APPL2: variants seen among roughly 807,000 people sequenced by gnomAD.
APPL2 encodes the protein DCC-interacting protein 13-beta.
A neutral mutation model predicts 92.7 loss-of-function variants in APPL2; 84 were observed. The observed-to-expected ratio is 0.91, with a 90% CI of 0.76 to 1.09. The LOEUF (loss-of-function observed/expected upper bound fraction) is 1.09, where lower values mean the gene tolerates loss of function less well. Among genes scored for constraint, APPL2 ranks in the 50% least tolerant of loss-of-function variants. The pLI, the probability that APPL2 is intolerant of heterozygous loss-of-function variation, is 0.00. For missense variants in APPL2, 736 were observed against 824.5 expected (o/e 0.89, Z 1.31); for synonymous variants, 291 against 291.0 (o/e 1.00, Z 0.00).
rs1420261052 is a variant in APPL2 at position 105,173,705 on chromosome 12, T to C, written c.*609A>G. On this transcript the variant is annotated 3_prime_UTR_variant, in exon 21 of 21. Coordinates refer to ENST00000258530, the MANE Select transcript of APPL2 (RefSeq NM_018171.5). Reference sequence around the variant, plus strand: ...AATCAAACATCTTTTGTGGTATTCATTTTTTTATTGCTTGATGTCTGGAAC... The same window carrying C: ...AATCAAACATCTTTTGTGGTATTCACTTTTTTATTGCTTGATGTCTGGAAC... 1.3e-5 allele frequency: 2 copies of C among 152,486 alleles called. No homozygotes were observed. Among genetic ancestry groups the C allele is most frequent in the Admixed American group, 6.6e-5 (1 of 15,266 alleles). The allele number at this position is 152,486 out of a possible 1,614,324, so 9.4% of individuals were successfully genotyped here.
intron 1 of APPL2, among the ~76,000 whole-genome samples, chr12:105,231,123 T>C (rs1189537304): frequency 6.6e-6 from 1 of 152,236 alleles, no homozygotes; most frequent in Admixed American, 6.5e-5. Flanking sequence ...GATTTCATAA[T>C]CTACTAATGG....
At chr12:105,211,399 T>C in intron 4 of APPL2, 82 bp from the exon 5 acceptor site, 1 of 1,011,912 alleles carries the variant, frequency 9.9e-7, no homozygotes, top group Non-Finnish European at 1.5e-6. Flanking sequence ...GGAATCACAC[T>C]GAACACTTCC....
chr12:105,229,932 C>A (rs1566103067), intron 1 of APPL2: 1 of 176,984 alleles, frequency 5.7e-6, no homozygotes, highest in Non-Finnish European at 1.1e-5. Context: ...GCACCCACCA[C>A]CACACCTGGC....
In APPL2 at chr12:105,177,535, C is replaced by T. The variant is rs1885673377; in HGVS notation, c.1635-273G>A. ...TTCTGCAACTTACCCAAACAGACAG[C>T]ATTATAATCCTCAACAGATCTGCTA... On this transcript the variant is annotated intron_variant, in intron 17 of 20. Transcript: ENST00000258530. 1.5e-5 allele frequency: 7 copies of T among 478,016 alleles called. No homozygotes were observed. The South Asian group carries it at 1.6e-4, about 11-fold the overall frequency. 29.6% of individuals were successfully genotyped at this position (478,016 alleles called of 1,614,324 possible). A position where few individuals can be genotyped will look rare whatever the true frequency, so the allele number is the denominator to read the frequency against.
chr12:105,211,306 GAGA>G lies in APPL2; in HGVS notation c.294_296del (p.Leu99del). The G allele has an allele frequency of 6.2e-7, 1 of 1,611,288 alleles. No individual in the cohort carries two copies. The highest frequency in any genetic ancestry group is 1.1e-5 in the South Asian group (1 of 90,996). On this transcript the variant is annotated inframe_deletion, in exon 5 of 21. Transcript: ENST00000258530. ...CCAACTGTTTAGCCAGCTCTGTATG[GAGA>G]AGATTAAGCTGAAAGAAAGAGAATG... is the stretch of plus-strand genomic sequence containing the variant.
intron 1 of APPL2, among the ~76,000 whole-genome samples, chr12:105,232,745 C>G (rs865844011): frequency 4.2e-5 from 3 of 72,118 alleles, no homozygotes; most frequent in South Asian, 4.9e-4. Context: ...GTCTGGGCAA[C>G]AAAGCGAGAC....
intron 14 of APPL2, among the ~76,000 whole-genome samples, chr12:105,193,294 A>G (rs192564123): frequency 4.3e-4 from 66 of 152,260 alleles, no homozygotes; most frequent in African/African-American, 1.5e-3. Flanking sequence ...CCCCTAAACT[A>G]TCCATCAACA....
At chr12:105,200,796 T>C (rs1010816391) in intron 9 of APPL2, among the ~76,000 whole-genome samples, 2 of 152,158 alleles carry the variant, frequency 1.3e-5, no homozygotes, top group Non-Finnish European at 2.9e-5. Context: ...GTAAGGAACG[T>C]TGGGCTTGGA....
At chr12:105,176,463 G>A (rs1037572543) in intron 19 of APPL2, 5 of 440,302 alleles carry the variant, frequency 1.1e-5, no homozygotes, top group Admixed American at 4.0e-5. Flanking sequence ...AGCAGATAGA[G>A]TCAAAAGTTT....
intron 17 of APPL2, among the ~76,000 whole-genome samples, chr12:105,179,576 G>A (rs976965714): frequency 4.6e-5 from 7 of 152,198 alleles, no homozygotes; most frequent in African/African-American, 1.4e-4. Flanking sequence ...TTCCACAATA[G>A]TTGAACTAAT....
chr12:105,185,141 A>G (rs1468810445), intron 17 of APPL2, among the ~76,000 whole-genome samples: 1 of 152,136 alleles, frequency 6.6e-6, no homozygotes, highest in East Asian at 1.9e-4. Flanking sequence ...TCAACTTCAG[A>G]CTGCTGTGCT....
chr12:105,187,872 T>C (rs1886865651), intron 17 of APPL2, among the ~76,000 whole-genome samples: 1 of 152,140 alleles, frequency 6.6e-6, no homozygotes, highest in South Asian at 2.1e-4. Flanking sequence ...CTAAATCATG[T>C]AGTTAATATG....
chr12:105,175,950 C>A, intron 20 of APPL2, 85 bp downstream of exon 20: 10 of 1,317,072 alleles, frequency 7.6e-6, no homozygotes, highest in Non-Finnish European at 1.0e-5. Context: ...CAGTGAACAT[C>A]ACTTTTCTTT....
intron 17 of APPL2, among the ~76,000 whole-genome samples, chr12:105,186,693 A>ATATAT (rs1886733996): frequency 3.3e-5 from 2 of 61,412 alleles, no homozygotes; most frequent in South Asian, 1.5e-3. Context: ...TATATATATC[A>ATATAT]TATATCATAT....
In APPL2 at chr12:105,236,094, G is replaced by A; in HGVS notation, c.-82C>T. On this transcript the variant is annotated 5_prime_UTR_variant, in exon 1 of 21. Coordinates refer to ENST00000258530, the MANE Select transcript of APPL2 (RefSeq NM_018171.5). ...GCGGCCGAGAGCACTCCCCGGCTCT[G>A]GGCTCAGGCGACGCGGCGGCCACTC... 9.7e-7 allele frequency: 1 copy of A among 1,036,000 alleles called. No individual in the cohort carries two copies. The highest frequency in any genetic ancestry group is 1.2e-6 in the Non-Finnish European group (1 of 818,462). The allele number at this position is 1,036,000 out of a possible 1,614,324, so 64.2% of individuals were successfully genotyped here.
chr12:105,193,179 G>A (rs1338973355), intron 14 of APPL2, among the ~76,000 whole-genome samples: 1 of 152,116 alleles, frequency 6.6e-6, no homozygotes, highest in Non-Finnish European at 1.5e-5. Flanking sequence ...CTAAGAATGT[G>A]ACTTGCTTAT....
At chr12:105,217,002 G>T in intron 4 of APPL2, 67 bp downstream of exon 4, 1 of 1,184,840 alleles carries the variant, frequency 8.4e-7, no homozygotes, top group Non-Finnish European at 1.2e-6. Context: ...TGGAAAGTGG[G>T]CCAAAATAAC....
At chr12:105,200,844 GTATGTATGTATGTATGTATGTATCTATC>G (rs1447028618) in intron 9 of APPL2, among the ~76,000 whole-genome samples, 3 of 104,550 alleles carry the variant, frequency 2.9e-5, no homozygotes, top group African/African-American at 1.1e-4. Flanking sequence ...ATGTATGTAT[GTATGTATGTATGTATGTATGTATCTATC>G]TATCTATCTA....
chr12:105,204,441 TCC>T (rs1435857683), intron 8 of APPL2, among the ~76,000 whole-genome samples: 1 of 152,120 alleles, frequency 6.6e-6, no homozygotes, highest in African/African-American at 2.4e-5. Context: ...TTGCATCTAT[TCC>T]CCAGATACCC....
Sources: gnomAD v4.1 joint callset for allele counts (sites outside exome capture counted in the v4.1 genomes callset) on GRCh38, gnomAD v4.1.1 for gene constraint, MANE v1.5 for transcripts, NCBI Gene and HGNC (gene_info 2026-07-23, HGNC 2026-07-21) for gene names.